Variants in HNRNPL observed in about 807,000 individuals in gnomAD.
HNRNPL encodes epididymis secretory sperm binding protein.
A neutral mutation model predicts 64.0 loss-of-function variants in HNRNPL; 12 were observed. That is an observed-to-expected ratio of 0.19 (90% CI 0.12 to 0.30). The LOEUF (loss-of-function observed/expected upper bound fraction) is 0.30. HNRNPL is among the 10% of genes least tolerant of loss of function. The probability of loss-of-function intolerance (pLI) is 1.00; values close to 1 mark genes in which losing one functional copy is unlikely to be tolerated. For missense variants in HNRNPL, 484 were observed against 797.4 expected (o/e 0.61, Z 4.73); for synonymous variants, 385 against 313.0 (o/e 1.23, Z -2.43).
At chr19:38,849,389 G>GA (rs1333964346) in intron 1 of HNRNPL, 7 of 321,194 alleles carry the variant, frequency 2.2e-5, no homozygotes, top group Non-Finnish European at 3.9e-5. Context: ...TGATAAAGGG[G>GA]AAAAAAACCG....
At chr19:38,844,572 C>G (rs930033206) in intron 4 of HNRNPL, among the ~76,000 whole-genome samples, 4 of 152,252 alleles carry the variant, frequency 2.6e-5, no homozygotes, top group South Asian at 4.1e-4. Context: ...TTGCAATCCT[C>G]AGGTCTTTCA....
intron 4 of HNRNPL, 64 bp from the exon 5 acceptor site, chr19:38,844,168 G>C (rs997210556): frequency 1.8e-6 from 2 of 1,090,126 alleles, no homozygotes; most frequent in African/African-American, 1.5e-5. Context: ...AGTTACCCCA[G>C]AGTGTGATAA....
chr19:38,850,556 G>C (rs1014650218), upstream of HNRNPL, among the ~76,000 whole-genome samples: 1 of 152,216 alleles, frequency 6.6e-6, no homozygotes, highest in Non-Finnish European at 1.5e-5. Flanking sequence ...CCCCGCCCCA[G>C]GGTAGGCGCT....
chr19:38,847,061 G>A (rs188309808), intron 2 of HNRNPL, among the ~76,000 whole-genome samples: 1 of 152,276 alleles, frequency 6.6e-6, no homozygotes, highest in East Asian at 1.9e-4. Context: ...GCCACAAAGC[G>A]AGACCTTGCT....
upstream of HNRNPL, among the ~76,000 whole-genome samples, chr19:38,851,604 A>T (rs1401367828): frequency 6.6e-6 from 1 of 152,160 alleles, no homozygotes; most frequent in African/African-American, 2.4e-5. Context: ...GTGGAAACTA[A>T]GTTTGAAATG....
rs1276578673 is a variant in HNRNPL, at chr19:38,838,969, G to A, written c.1280C>T (p.Ala427Val). 6 of 1,614,154 alleles carry A rather than the reference G, an allele frequency of 3.7e-6. No homozygotes were observed. Among genetic ancestry groups the A allele is most frequent in the East Asian group, 2.2e-5 (1 of 44,886 alleles). ...GGCCCGGTCTACAGCGTAGCCATCA[G>A]CCATCTCCACCATGGCGGCCCCCGG... is the stretch of plus-strand genomic sequence containing the variant. ...SKPGAAMVEM[A>V]DGYAVDRAIT... The change falls in exon 9 of 13, where the codon GCT becomes GTT. Residue 427 changes from alanine (A) to valine (V), a missense_variant. Ala to Val is a moderately conservative substitution (Grantham distance 64, BLOSUM62 0). Around this residue, in one of 9 missense-constraint regions of HNRNPL, gnomAD observed 53 missense variants for 131.3 expected, o/e 0.40. Transcript: ENST00000221419.
At chr19:38,844,702 C>A in intron 4 of HNRNPL, 1 of 147,636 alleles carries the variant, frequency 6.8e-6, no homozygotes, top group Non-Finnish European at 1.5e-5. Context: ...AACCTTCACA[C>A]ATGCCCCACC....
intron 6 of HNRNPL, 87 bp downstream of exon 6, chr19:38,843,755 C>T: frequency 8.8e-7 from 1 of 1,135,356 alleles, no homozygotes; most frequent in Non-Finnish European, 1.3e-6. Flanking sequence ...AATGGCATTA[C>T]ATAACCCTGA....
rs755757817 is a variant in HNRNPL, at chr19:38,845,994, T to G, written c.483A>C (p.Gln161His). ...AAGCTGGGTGACCAGCAATGTATAT[T>G]TGGTTGTCGGCTGCGTAGTTCACTG... Reference protein sequence around the residue: ...CNAVNYAADNQIYIAGHPAFV... With the variant: ...CNAVNYAADNHIYIAGHPAFV... Residue 161 changes from glutamine (Q) to histidine (H), a missense_variant, in exon 3 of 13, where the codon CAA becomes CAC. By Grantham distance (24) the Gln-to-His change is conservative. This residue lies in a region of HNRNPL where 18 missense variants were observed against 19.0 expected (regional missense o/e 0.95). Coordinates refer to ENST00000221419, the MANE Select transcript of HNRNPL (RefSeq NM_001533.3). 1 of 1,614,184 alleles carries G rather than the reference T, an allele frequency of 6.2e-7. No homozygotes were observed.
At chr19:38,843,506 T>G (rs1972182710) in intron 6 of HNRNPL, 9 of 304,898 alleles carry the variant, frequency 3.0e-5, no homozygotes, top group Non-Finnish European at 5.6e-5. Flanking sequence ...AAGAATGGAG[T>G]GAGTGACCCT....
chr19:38,841,526 T>C (rs1342425253), intron 6 of HNRNPL: 1 of 603,190 alleles, frequency 1.7e-6, no homozygotes, highest in Non-Finnish European at 2.8e-6. Flanking sequence ...TTACCAGTCA[T>C]TACAAAATGG....
rs535281993 is a variant in HNRNPL, at chr19:38,846,108, G to C, written c.387-18C>G. 1.7e-5 allele frequency: 27 copies of C among 1,563,986 alleles called. No individual in the cohort carries two copies. The highest frequency in any genetic ancestry group is 2.4e-5 in the Non-Finnish European group (27 of 1,134,816). On this transcript the variant is annotated intron_variant, in intron 2 of 12. Transcript: ENST00000221419. ...CCACATAGCTGGCAGAGAGAACACA[G>C]GTTTCAATCCTCTCAGGAAAATGTA...
At chr19:38,837,889 T>C (rs561032527) in intron 10 of HNRNPL, among the ~76,000 whole-genome samples, 12 of 152,390 alleles carry the variant, frequency 7.9e-5, no homozygotes, top group African/African-American at 2.9e-4. Context: ...TCAACAGCTA[T>C]GTGGATATCT....
At chr19:38,844,143 TTGAGAAGGGCTTCAAGTTACCCCAGAGTG>T (rs768096000) in intron 4 of HNRNPL, 39 bp from the exon 5 acceptor site, 1 of 1,342,160 alleles carries the variant, frequency 7.5e-7, no homozygotes, top group Admixed American at 1.7e-5. Context: ...CAGGAGATCT[TTGAGAAGGGCTTCAAGTTACCCCAGAGTG>T]TGATAAGGAC....
At position 38,839,022 on chromosome 19, in the gene HNRNPL, G is replaced by A. The variant is rs1226558364; in HGVS notation, c.1234-7C>T. 13 of 1,613,862 alleles carry A rather than the reference G, an allele frequency of 8.1e-6. No individual in the cohort carries two copies. Among genetic ancestry groups the A allele is most frequent in the African/African-American group, 1.3e-5 (1 of 74,934 alleles). ...TGCTTTTCATGAATTTCACCTTGGG[G>A]AGAGTAGCTGCAGTCAGCACCTCTG... On this transcript the variant is annotated splice_polypyrimidine_tract_variant and splice_region_variant and intron_variant, in intron 8 of 12. Coordinates refer to ENST00000221419, the MANE Select transcript of HNRNPL (RefSeq NM_001533.3).
intron 4 of HNRNPL, among the ~76,000 whole-genome samples, 162 bp from the exon 5 acceptor site, chr19:38,844,266 A>G (rs1388531251): frequency 6.6e-6 from 1 of 152,210 alleles, no homozygotes; most frequent in Non-Finnish European, 1.5e-5. Context: ...TTAAGAGACC[A>G]AAACGGTGTT....
chr19:38,838,517 T>C lies in HNRNPL; in HGVS notation c.1437A>G (p.Glu479=), dbSNP rs1972003365. 5 of 1,614,178 alleles carry C rather than the reference T, an allele frequency of 3.1e-6. No homozygotes were observed. The highest frequency in any genetic ancestry group is 4.2e-6 in the Non-Finnish European group (5 of 1,180,016). ...DGSCSYKDFS[E]SRNNRFSTPE... The stretch of plus-strand genomic sequence containing the variant: ...GGGTGGAGAACCGATTGTTCCGGGA[T>C]TCACTGAAGTCTTTGTAACTGCAAG... The change falls in exon 10 of 13, where the codon GAA becomes GAG. Residue 479 remains glutamate, a synonymous_variant. Transcript: ENST00000221419.
At chr19:38,845,143 G>A (rs1415432773) in intron 4 of HNRNPL, 1 of 152,602 alleles carries the variant, frequency 6.6e-6, no homozygotes, top group Non-Finnish European at 1.5e-5. Flanking sequence ...TCCTAGCCAG[G>A]CGCGGTGGCT....
intron 4 of HNRNPL, chr19:38,845,121 T>C (rs1972247421): frequency 6.6e-6 from 1 of 152,640 alleles, no homozygotes; most frequent in Non-Finnish European, 1.5e-5. Context: ...ATAAACATCT[T>C]TAAAAATAAA....
Sources: allele counts gnomAD v4.1 joint callset (sites outside exome capture counted in the v4.1 genomes callset), GRCh38; gene constraint gnomAD v4.1.1; regional missense constraint gnomAD v4.1.1; transcripts MANE v1.5; gene names NCBI Gene and HGNC (gene_info 2026-07-23, HGNC 2026-07-21).